Variants in ECT2 observed in about 807,000 individuals in gnomAD.
ECT2 encodes the protein epithelial cell transforming 2, also known as protein ECT2.
A neutral mutation model predicts 116.9 loss-of-function variants in ECT2; 61 were observed. The observed-to-expected ratio is 0.52, with a 90% CI of 0.42 to 0.65. The LOEUF (loss-of-function observed/expected upper bound fraction) is 0.65. Ranked by LOEUF, ECT2 falls within the 30% of genes least tolerant of loss-of-function variation. The pLI is 0.00. For missense variants in ECT2, 937 were observed against 1,078.7 expected, an observed-to-expected ratio of 0.87 and a Z score of 1.84; for synonymous variants, 358 against 346.4, an observed-to-expected ratio of 1.03 and a Z score of -0.37.
chr3:172,801,117 AT>A (rs201412512), intron 18 of ECT2, among the ~76,000 whole-genome samples: 7 of 149,536 alleles, frequency 4.7e-5, no homozygotes, highest in South Asian at 2.1e-4. Context: ...CTCTGTTTCA[AT>A]TTTTTTTTTC....
chr3:172,768,003 A>G (rs1200267523), intron 12 of ECT2, among the ~76,000 whole-genome samples: 1 of 152,166 alleles, frequency 6.6e-6, no homozygotes, highest in African/African-American at 2.4e-5. Flanking sequence ...AAGCGTTGGG[A>G]TTACAGGAGT....
chr3:172,823,186 A>AT (rs1161489380), downstream of ECT2, among the ~76,000 whole-genome samples: 35 of 152,218 alleles, frequency 2.3e-4, no homozygotes, highest in Admixed American at 1.8e-3. Context: ...AGCTTAGTGG[A>AT]TTTTTTTATG....
Position 172,764,413 on chromosome 3 carries a change from C to A in ECT2, c.1204C>A (p.Arg402Ser), listed in dbSNP as rs754828041. The A allele has an allele frequency of 1.2e-6, 2 of 1,614,034 alleles. No individual in the cohort carries two copies. Among genetic ancestry groups the A allele is most frequent in the Non-Finnish European group, 1.7e-6 (2 of 1,180,006 alleles). ...RETDVSPFPP[R>S]KRPSAEHSLS... ...GACAGACGTGTCACCATTTCCACCC[C>A]GTAAGCGCCCATCAGCTGAGCATTC... The change falls in exon 12 of 25, where the codon CGT becomes AGT. Residue 402 changes from arginine to serine, a missense_variant. Coordinates refer to ENST00000392692, the MANE Select transcript of ECT2 (RefSeq NM_001258315.2).
At chr3:172,808,988 A>G (rs1218776838) in intron 22 of ECT2, among the ~76,000 whole-genome samples, 3 of 152,156 alleles carry the variant, frequency 2.0e-5, no homozygotes, top group African/African-American at 4.8e-5. Context: ...GGGAAATACA[A>G]TGCTAACAAA....
Position 172,754,657 on chromosome 3 carries a change from G to T in ECT2, c.127G>T (p.Glu43Ter), listed in dbSNP as rs773482993. Residue 43 changes from glutamate (E) to a stop codon, truncating the protein, a stop_gained, in exon 2 of 25, where the codon GAA becomes TAA. Transcript: ENST00000392692. LOFTEE classifies it high-confidence loss of function. ...NLLIGSTSYV[E>*]EEMPQIETRV... is the part of the protein sequence containing the mutation. ...ACTTATTGGATCTACTTCATATGTA[G>T]AAGGTAAACCTGTTACCTGCTTTAA... is the stretch of plus-strand genomic sequence containing the variant. The T allele has an allele frequency of 1.2e-6, 2 of 1,603,134 alleles. No individual in the cohort carries two copies. The highest frequency in any genetic ancestry group is 2.2e-5 in the South Asian group (2 of 89,764).
At chr3:172,824,848 T>C (rs1184495891), downstream of ECT2, among the ~76,000 whole-genome samples, 1 of 151,558 alleles carries the variant, frequency 6.6e-6, no homozygotes, top group Non-Finnish European at 1.5e-5. Context: ...GTTTTATGAA[T>C]AGGTCATTTT....
intron 11 of ECT2, 67 bp from the exon 12 acceptor site, chr3:172,764,211 T>C: frequency 7.3e-7 from 1 of 1,364,518 alleles, no homozygotes; most frequent in Non-Finnish European, 1.0e-6. Flanking sequence ...TAAATATATT[T>C]TTCTCTTGTT....
chr3:172,803,091 A>G (rs1335112821), intron 20 of ECT2, 111 bp downstream of exon 20: 2 of 1,018,304 alleles, frequency 2.0e-6, no homozygotes, highest in African/African-American at 3.3e-5. Flanking sequence ...AATAAACTCA[A>G]GTAATCTTTT....
At position 172,762,793 on chromosome 3, in the gene ECT2, T is replaced by C; in HGVS notation, c.992T>C (p.Val331Ala). Reference protein sequence around the residue: ...LPFEPSKKLYVVKQEWFWGSI... With the variant: ...LPFEPSKKLYAVKQEWFWGSI... ...TTTGAACCTTCAAAGAAACTTTATG[T>C]TGTCAAGCAAGAGGCAAGTAATTCT... The change falls in exon 10 of 25, where the codon GTT (valine) becomes GCT (alanine). Residue 331 changes from valine to alanine, a missense_variant. Coordinates refer to ENST00000392692, the MANE Select transcript of ECT2 (RefSeq NM_001258315.2). 1 of 1,612,512 alleles carries C rather than the reference T, an allele frequency of 6.2e-7. No homozygotes were observed. Among genetic ancestry groups the C allele is most frequent in the Non-Finnish European group, 8.5e-7 (1 of 1,179,494 alleles).
chr3:172,782,462 G>T (rs992274827), intron 15 of ECT2, among the ~76,000 whole-genome samples: 34 of 152,120 alleles, frequency 2.2e-4, no homozygotes, highest in Non-Finnish European at 2.9e-5. Flanking sequence ...TCATGCTGTG[G>T]TATAATTGTT....
intron 4 of ECT2, among the ~76,000 whole-genome samples, chr3:172,756,057 T>G (rs1716924459): frequency 6.6e-6 from 1 of 152,222 alleles, no homozygotes. Flanking sequence ...TGTCCTTGCA[T>G]CCCTGGTGTT....
At chr3:172,775,676 C>T (rs1396400767) in intron 14 of ECT2, among the ~76,000 whole-genome samples, 1 of 151,664 alleles carries the variant, frequency 6.6e-6, no homozygotes, top group Admixed American at 6.6e-5. Flanking sequence ...CACTGTCACC[C>T]AGGCTGGAGT....
Position 172,767,581 on chromosome 3 carries a change from A to T in ECT2, c.1292-1426A>T, listed in dbSNP as rs1362059310. Among the ~76,000 whole-genome samples, 3 of 152,204 alleles carry T rather than the reference A, an allele frequency of 2.0e-5. No individual in the cohort carries two copies. The South Asian group carries it at 6.2e-4, about 31-fold the overall frequency. On this transcript the variant is annotated intron_variant, in intron 12 of 24. Coordinates refer to ENST00000392692, the MANE Select transcript of ECT2 (RefSeq NM_001258315.2). ...CACCTATTTCTATTTTATGTCATACATTCCTTTTCCTGTTGAAAAACTTGC... is the reference window on the plus strand; with the variant it reads ...CACCTATTTCTATTTTATGTCATACTTTCCTTTTCCTGTTGAAAAACTTGC...
At chr3:172,759,181 C>A in intron 6 of ECT2, 112 bp downstream of exon 6, 1 of 679,224 alleles carries the variant, frequency 1.5e-6, no homozygotes, top group Non-Finnish European at 2.4e-6. Context: ...TGAAGGATAA[C>A]TTATTATGGC....
rs1346842521 is a variant in ECT2, at chr3:172,807,903, C to T, written c.2379C>T (p.Asn793=). 1.9e-6 allele frequency: 3 copies of T among 1,613,366 alleles called. No individual in the cohort carries two copies. The South Asian group carries it at 3.3e-5, about 18-fold the overall frequency. The change falls in exon 22 of 25, where the codon AAC becomes AAT. Residue 793 remains asparagine (N), a synonymous_variant. Transcript: ENST00000392692. ...WLKMLCRHVA[N]TICKADAENL... ...AGATGCTGTGTCGACATGTAGCTAA[C>T]ACCATTTGTAAAGCAGATGCTGTAA...
the ECT2 span, among the ~76,000 whole-genome samples, chr3:172,827,646 A>T: frequency 6.8e-4 from 104 of 152,368 alleles, no homozygotes; most frequent in African/African-American, 2.3e-3. Flanking sequence ...GGAAGGAGGT[A>T]TAAAGAGGGG....
intron 1 of ECT2, among the ~76,000 whole-genome samples, chr3:172,751,943 A>C (rs920292382): frequency 1.3e-5 from 2 of 152,144 alleles, no homozygotes; most frequent in Non-Finnish European, 2.9e-5. Flanking sequence ...TTCTCTATAC[A>C]TTTTGAAGCT....
In ECT2 at chr3:172,807,779, A is replaced by G. The variant is rs753026373; in HGVS notation, c.2255A>G (p.Asn752Ser). ...TATTCTGGAACCCTAGATTGCCATA[A>G]TGCTTTTGCCTTGCTTGTGAGGCCA... ...LDIRETEDCH[N>S]AFALLVRPPT... Residue 752 changes from asparagine (N) to serine (S), a missense_variant, in exon 22 of 25, where the codon AAT becomes AGT. Physicochemically the swap from Asn to Ser is conservative, Grantham distance 46. Transcript: ENST00000392692. 8 of 1,612,494 alleles carry G rather than the reference A, an allele frequency of 5.0e-6. No individual in the cohort carries two copies. In the East Asian group the frequency reaches 8.9e-5, roughly 18 times the overall value.
At chr3:172,804,024 C>G (rs1221149645) in intron 20 of ECT2, among the ~76,000 whole-genome samples, 1 of 152,108 alleles carries the variant, frequency 6.6e-6, no homozygotes, top group Non-Finnish European at 1.5e-5. Context: ...TCTCAAACTC[C>G]TGGACTCAAA....
Sources: allele counts gnomAD v4.1 joint callset (sites outside exome capture counted in the v4.1 genomes callset), GRCh38; gene constraint gnomAD v4.1.1; transcripts MANE v1.5; gene names NCBI Gene and HGNC (gene_info 2026-07-23, HGNC 2026-07-21).